Variants in WDR37 observed in about 807,000 individuals in gnomAD.
The protein encoded by WDR37 is WD repeat-containing protein 37.
WDR37 carries 19 observed loss-of-function variants against 62.9 expected under a neutral mutation model. That is an observed-to-expected ratio of 0.30 (90% CI 0.21 to 0.44). WDR37 has a LOEUF of 0.44. WDR37 is among the 20% of genes least tolerant of loss of function. The pLI is 1.00. For missense variants in WDR37, 474 were observed against 657.6 expected (o/e 0.72, Z 3.05); for synonymous variants, 250 against 260.9 (o/e 0.96, Z 0.40).
intron 11 of WDR37, among the ~76,000 whole-genome samples, chr10:1,109,588 G>T (rs1219123903): frequency 1.3e-5 from 2 of 152,200 alleles, no homozygotes; most frequent in Non-Finnish European, 2.9e-5. Flanking sequence ...GCGCACGCCT[G>T]TAATCCCAGC....
In WDR37 at chr10:1,105,783, A is replaced by C. The variant is rs11250264; in HGVS notation, c.1103+516A>C. On this transcript the variant is annotated intron_variant, in intron 11 of 13. Transcript: ENST00000263150. The surrounding 1 kb of genome is among the most constrained non-coding windows in gnomAD (Gnocchi z 5.3). ...GCTTGGGTTTCTCTCCGGCAACTCAAGTGTAAGGTCTTTTTTTTCTGAGAC... is the reference window on the plus strand; with the variant it reads ...GCTTGGGTTTCTCTCCGGCAACTCACGTGTAAGGTCTTTTTTTTCTGAGAC... Among the ~76,000 whole-genome samples the C allele has an allele frequency of 0.08, 12,159 of 151,854 alleles. 505 individuals carry two copies. Among genetic ancestry groups the C allele is most frequent in the East Asian group, 0.1 (520 of 5,148 alleles).
At chr10:1,110,179 C>T (rs1047182190) in intron 11 of WDR37, among the ~76,000 whole-genome samples, 5 of 152,248 alleles carry the variant, frequency 3.3e-5, no homozygotes, top group African/African-American at 9.6e-5. Context: ...GGGGCGAGTC[C>T]GCTGGGCTGT....
intron 11 of WDR37, among the ~76,000 whole-genome samples, chr10:1,110,787 G>A (rs761213599): frequency 3.9e-5 from 6 of 152,228 alleles, no homozygotes; most frequent in Non-Finnish European, 7.3e-5. Context: ...CCACGGCATC[G>A]CCAAGGACAT....
intron 1 of WDR37, among the ~76,000 whole-genome samples, chr10:1,060,270 G>A (rs1330222128): frequency 6.6e-6 from 1 of 152,120 alleles, no homozygotes; most frequent in East Asian, 1.9e-4. Flanking sequence ...ACAGCTGTGT[G>A]CCTGTTGTTC....
intron 7 of WDR37, among the ~76,000 whole-genome samples, chr10:1,090,406 G>A (rs1311187818): frequency 3.9e-5 from 6 of 152,156 alleles, no homozygotes; most frequent in Admixed American, 2.6e-4. Context: ...TGATCCAGCC[G>A]CCTCGGCCTC....
intron 7 of WDR37, among the ~76,000 whole-genome samples, chr10:1,088,873 T>C (rs1159928205): frequency 6.6e-6 from 1 of 152,044 alleles, no homozygotes; most frequent in East Asian, 1.9e-4. Context: ...AAGTGAAGGG[T>C]AATAAAACGG....
In WDR37 at chr10:1,105,041, T is replaced by A; in HGVS notation, c.962-85T>A. 6.5e-7 allele frequency: 1 copy of A among 1,535,716 alleles called. No homozygotes were observed. Among genetic ancestry groups the A allele is most frequent in the Non-Finnish European group, 8.9e-7 (1 of 1,128,120 alleles). On this transcript the variant is annotated intron_variant, in intron 10 of 13. Coordinates refer to ENST00000263150, the MANE Select transcript of WDR37 (RefSeq NM_014023.4). The surrounding 1 kb of genome is among the most constrained non-coding windows in gnomAD (Gnocchi z 5.3). ...AGGTTCACAGTCTCAGAGAGACGGC[T>A]TCTTGGGTTCTTGTGCTGTTGAAAA...
chr10:1,126,417 AAAG>A (rs1835780133), intron 13 of WDR37, among the ~76,000 whole-genome samples: 1 of 151,690 alleles, frequency 6.6e-6, no homozygotes, highest in African/African-American at 2.4e-5. Flanking sequence ...GAAAAAAAAA[AAAG>A]AAACTCCCCG....
At position 1,124,938 on chromosome 10, in the gene WDR37, A is replaced by G. The variant is rs1835694857; in HGVS notation, c.1267A>G (p.Ile423Val). Reference protein sequence around the residue: ...RINVCVGQKIIALPHDNRQVR... With the variant: ...RINVCVGQKIVALPHDNRQVR... ...CAATGTATGTGTCGGCCAAAAAATCATAGCCCTCCCCCATGACAACCGACA... is the reference window on the plus strand; with the variant it reads ...CAATGTATGTGTCGGCCAAAAAATCGTAGCCCTCCCCCATGACAACCGACA... Residue 423 changes from isoleucine to valine, a missense_variant, in exon 13 of 14, where the codon ATA becomes GTA. Physicochemically the swap from Ile to Val is conservative, Grantham distance 29. Transcript: ENST00000263150. The G allele has an allele frequency of 6.2e-7, 1 of 1,614,216 alleles. No homozygotes were observed. The highest frequency in any genetic ancestry group is 1.1e-5 in the South Asian group (1 of 91,084).
At chr10:1,117,838 C>T (rs552820663) in intron 11 of WDR37, among the ~76,000 whole-genome samples, 118 of 152,372 alleles carry the variant, frequency 7.7e-4, no homozygotes, top group African/African-American at 2.5e-3. Context: ...CTGGCAGCCT[C>T]TTATCAGCAT....
At chr10:1,125,184 G>C in intron 13 of WDR37, 160 bp downstream of exon 13, 1 of 856,444 alleles carries the variant, frequency 1.2e-6, no homozygotes. Flanking sequence ...TGAAGAAGTA[G>C]AGTTGTACAC....
intron 9 of WDR37, among the ~76,000 whole-genome samples, chr10:1,097,523 C>T (rs951949925): frequency 2.6e-5 from 4 of 152,242 alleles, no homozygotes; most frequent in Non-Finnish European, 5.9e-5. Context: ...GGCAGGGCTG[C>T]AGCTCTCACT....
intron 7 of WDR37, among the ~76,000 whole-genome samples, chr10:1,092,824 C>T (rs1427018554): frequency 7.4e-6 from 1 of 135,896 alleles, no homozygotes. Flanking sequence ...GAGCTGAGAT[C>T]GTGCCATTGC....
chr10:1,107,207 C>T (rs1035435042), intron 11 of WDR37, among the ~76,000 whole-genome samples: 5 of 152,228 alleles, frequency 3.3e-5, no homozygotes, highest in African/African-American at 1.2e-4. Context: ...TGCATGTTAG[C>T]TTGGATGTGG....
intron 7 of WDR37, among the ~76,000 whole-genome samples, chr10:1,091,299 G>A (rs991050413): frequency 2.6e-5 from 4 of 152,162 alleles, no homozygotes; most frequent in Admixed American, 2.6e-4. Flanking sequence ...CATCGAAATT[G>A]GAAGCATTAA....
At chr10:1,126,440 C>T (rs1174625824) in intron 13 of WDR37, among the ~76,000 whole-genome samples, 1 of 151,946 alleles carries the variant, frequency 6.6e-6, no homozygotes, top group Admixed American at 6.5e-5. Flanking sequence ...GTGGTCGAGG[C>T]AGCGTCTGCC....
chr10:1,122,629 A>G (rs1231034397), intron 11 of WDR37, among the ~76,000 whole-genome samples: 1 of 152,270 alleles, frequency 6.6e-6, no homozygotes, highest in Non-Finnish European at 1.5e-5. Context: ...TCACGGGGAA[A>G]GTAAGGTTTT....
At chr10:1,125,326 C>G (rs11250272) in intron 13 of WDR37, among the ~76,000 whole-genome samples, 79,855 of 151,880 alleles carry the variant, frequency 0.53, 22,539 homozygotes, top group Middle Eastern at 0.69. Flanking sequence ...ATTCTTCTGC[C>G]TCAGCCTCAG....
intron 7 of WDR37, among the ~76,000 whole-genome samples, chr10:1,087,585 GA>G (rs1433391376): frequency 6.6e-6 from 1 of 152,210 alleles, no homozygotes; most frequent in Non-Finnish European, 1.5e-5. Context: ...CGTTGTCAAT[GA>G]GCCAGTTGTA....
Sources: allele counts gnomAD v4.1 joint callset (sites outside exome capture counted in the v4.1 genomes callset), GRCh38; gene constraint gnomAD v4.1.1; non-coding constraint Gnocchi (gnomAD v3.1); transcripts MANE v1.5; gene names NCBI Gene and HGNC (gene_info 2026-07-23, HGNC 2026-07-21).